Variants in SNF8 observed in about 807,000 individuals in gnomAD.
SNF8 encodes the protein SNF8 subunit of ESCRT-II.
Under a neutral mutation model 36.8 loss-of-function variants are expected in SNF8, and 19 were observed. The ratio of observed to expected loss-of-function variants is 0.52; its 90% CI spans 0.36 to 0.76. The LOEUF (loss-of-function observed/expected upper bound fraction) is 0.76. Among genes scored for constraint, SNF8 ranks in the 30% least tolerant of loss-of-function variants. The pLI, the probability that SNF8 is intolerant of heterozygous loss-of-function variation, is 0.00. For synonymous variants in SNF8, 127 were observed against 127.4 expected (o/e 1.00, Z 0.02); for missense variants, 268 against 322.9 (o/e 0.83, Z 1.30).
intron 1 of SNF8, 84 bp from the exon 2 acceptor site, chr17:48,944,059 T>A: frequency 7.6e-7 from 1 of 1,320,716 alleles, no homozygotes; most frequent in South Asian, 1.2e-5. Flanking sequence ...ATCCCAGAAC[T>A]TTGGGACGCC....
At chr17:48,942,396 G>A (rs2041043317) in intron 2 of SNF8, among the ~76,000 whole-genome samples, 1 of 151,186 alleles carries the variant, frequency 6.6e-6, no homozygotes, top group Non-Finnish European at 1.5e-5. Flanking sequence ...GTTGATTCCT[G>A]CATGCCATCT....
At position 48,933,286 on chromosome 17, in the gene SNF8, G is replaced by A. The variant is rs2143795953; in HGVS notation, c.483C>T (p.Ile161=). The change falls in exon 6 of 8, where the codon ATC becomes ATT. Residue 161 remains isoleucine (I), a synonymous_variant. Transcript: ENST00000502492. Reference sequence around the variant, plus strand: ...GAATGAGGTAAGTGCCGCCCACAGGGATGATGCCGAAGCCAGTGCCAAGTG... The same window carrying A: ...GAATGAGGTAAGTGCCGCCCACAGGAATGATGCCGAAGCCAGTGCCAAGTG... The part of the protein sequence containing the change: ...LKALGTGFGI[I]PVGGTYLIQS... 1.2e-6 allele frequency: 2 copies of A among 1,614,170 alleles called. No individual in the cohort carries two copies. The highest frequency in any genetic ancestry group is 1.7e-6 in the Non-Finnish European group (2 of 1,180,028).
In SNF8 at chr17:48,937,039, C is replaced by T. The variant is rs201483230; in HGVS notation, c.330G>A (p.Ala110=). ...LGVQIIEVCL[A]LKHRNGGLIT... ...CCTCACCTCCATTCCGATGCTTCAGCGCCAGGCACACTTCGATAATTTGGA... is the reference window on the plus strand; with the variant it reads ...CCTCACCTCCATTCCGATGCTTCAGTGCCAGGCACACTTCGATAATTTGGA... The change falls in exon 4 of 8, where the codon GCG becomes GCA. Residue 110 remains alanine (A), a synonymous_variant. Transcript: ENST00000502492. The T allele has an allele frequency of 1.6e-4, 259 of 1,613,936 alleles. 3 individuals carry two copies. In the East Asian group the frequency reaches 5.6e-3, roughly 35 times the overall value.
intron 5 of SNF8, among the ~76,000 whole-genome samples, chr17:48,934,205 A>G (rs927729349): frequency 2.0e-5 from 3 of 152,338 alleles, no homozygotes; most frequent in East Asian, 3.9e-4. Flanking sequence ...GGTAGATTGG[A>G]ATGCATTCTC....
At chr17:48,938,496 CAA>C (rs11339083) in intron 3 of SNF8, among the ~76,000 whole-genome samples, 89 of 113,954 alleles carry the variant, frequency 7.8e-4, no homozygotes, top group Admixed American at 1.0e-3. Context: ...AACTCCATCT[CAA>C]AAAAAAAAAA....
At chr17:48,932,903 CAA>C (rs2040880555) in intron 6 of SNF8, 2 of 295,680 alleles carry the variant, frequency 6.8e-6, no homozygotes, top group African/African-American at 2.1e-5. Context: ...CAAAAGACAT[CAA>C]AGAGTCTGGC....
intron 6 of SNF8, chr17:48,932,056 C>G (rs1402312805): frequency 6.1e-6 from 1 of 163,470 alleles, no homozygotes; most frequent in African/African-American, 2.4e-5. Flanking sequence ...CCCATCTCTA[C>G]TAAAAATACA....
intron 5 of SNF8, among the ~76,000 whole-genome samples, chr17:48,935,102 G>A (rs565946214): frequency 6.6e-6 from 1 of 152,120 alleles, no homozygotes; most frequent in Non-Finnish European, 1.5e-5. Flanking sequence ...CAGCCGTGGT[G>A]TCTCACACCT....
At chr17:48,937,604 T>C (rs1032712568) in intron 3 of SNF8, among the ~76,000 whole-genome samples, 2 of 144,622 alleles carry the variant, frequency 1.4e-5, no homozygotes, top group Admixed American at 7.2e-5. Context: ...TACTCCAGCC[T>C]GGGCAATAAG....
chr17:48,933,248 G>C lies in SNF8; in HGVS notation c.521C>G (p.Ala174Gly), dbSNP rs538538146. Residue 174 changes from alanine to glycine, a missense_variant, in exon 6 of 8, where the codon GCT (alanine) becomes GGT (glycine). Physicochemically the swap from Ala to Gly is moderately conservative, Grantham distance 60. Coordinates refer to ENST00000502492, the MANE Select transcript of SNF8 (RefSeq NM_007241.4). ...CACGGTGTGATCCATATTGAGCTCAGCTGGAACAGACTGAATGAGGTAAGT... is the reference window on the plus strand; with the variant it reads ...CACGGTGTGATCCATATTGAGCTCACCTGGAACAGACTGAATGAGGTAAGT... ...GGTYLIQSVP[A>G]ELNMDHTVVL... is the part of the protein sequence containing the mutation. 3 of 1,614,094 alleles carry C rather than the reference G, an allele frequency of 1.9e-6. No individual in the cohort carries two copies. Among genetic ancestry groups the C allele is most frequent in the Non-Finnish European group, 2.5e-6 (3 of 1,180,038 alleles).
At position 48,929,726 on chromosome 17, in the gene SNF8, T is replaced by A. The variant is rs960876545; in HGVS notation, c.*749A>T. 14 of 152,144 alleles carry A rather than the reference T, an allele frequency of 9.2e-5. No individual in the cohort carries two copies. Among genetic ancestry groups the A allele is most frequent in the Non-Finnish European group, 2.1e-4 (14 of 68,024 alleles). The allele number at this position is 152,144 out of a possible 1,614,324, so 9.4% of individuals were successfully genotyped here. A position where few individuals can be genotyped will look rare whatever the true frequency, so the allele number is the denominator to read the frequency against. ...GCTGGCGGCCCCTGGCAAATTACTT[T>A]GATTGAATCACCTGTGATGTTGAAG... On this transcript the variant is annotated 3_prime_UTR_variant, in exon 8 of 8. Coordinates refer to ENST00000502492, the MANE Select transcript of SNF8 (RefSeq NM_007241.4).
chr17:48,939,027 G>C (rs1201980438), intron 3 of SNF8, among the ~76,000 whole-genome samples: 2 of 151,930 alleles, frequency 1.3e-5, no homozygotes, highest in Non-Finnish European at 2.9e-5. Context: ...GGGAGGCCGA[G>C]GCGGGTGGAT....
At chr17:48,935,369 C>T (rs1598086791) in intron 5 of SNF8, among the ~76,000 whole-genome samples, 1 of 151,814 alleles carries the variant, frequency 6.6e-6, no homozygotes. Context: ...AAAAATTAGC[C>T]GGGCGTGGTG....
rs1184793045 is a variant in SNF8 at position 48,933,277 on chromosome 17, G to A, written c.492C>T (p.Gly164=). 26 of 1,614,010 alleles carry A rather than the reference G, an allele frequency of 1.6e-5. 1 individual carries two copies. Among genetic ancestry groups the A allele is most frequent in the Non-Finnish European group, 1.8e-5 (21 of 1,180,010 alleles). ...LGTGFGIIPV[G]GTYLIQSVPA... is the part of the protein sequence containing the mutation. ...GAACAGACTGAATGAGGTAAGTGCC[G>A]CCCACAGGGATGATGCCGAAGCCAG... Residue 164 remains glycine (G), a synonymous_variant, in exon 6 of 8, where the codon GGC becomes GGT. Coordinates refer to ENST00000502492, the MANE Select transcript of SNF8 (RefSeq NM_007241.4).
chr17:48,941,438 G>T (rs1598092904), intron 2 of SNF8, among the ~76,000 whole-genome samples: 1 of 152,212 alleles, frequency 6.6e-6, no homozygotes, highest in Non-Finnish European at 1.5e-5. Context: ...TTAATTTGAA[G>T]ATGTACCTAA....
intron 2 of SNF8, 66 bp downstream of exon 2, chr17:48,943,859 T>G: frequency 2.9e-6 from 4 of 1,390,784 alleles, no homozygotes; most frequent in Non-Finnish European, 3.1e-6. Context: ...CAAGTTCGTA[T>G]CCAAGGTGTC....
rs1047594929 is a variant in SNF8 at position 48,929,846 on chromosome 17, G to A, written c.*629C>T. 4 of 152,186 alleles carry A rather than the reference G, an allele frequency of 2.6e-5. No individual in the cohort carries two copies. The highest frequency in any genetic ancestry group is 4.8e-5 in the African/African-American group (2 of 41,438). 9.4% of individuals were successfully genotyped at this position (152,186 alleles called of 1,614,324 possible). On this transcript the variant is annotated 3_prime_UTR_variant, in exon 8 of 8. Coordinates refer to ENST00000502492, the MANE Select transcript of SNF8 (RefSeq NM_007241.4). ...TCCCTTTCCCACTACTGAGGCTAGA[G>A]GGACCTGGCAATCACTACAGGAGGG... is the stretch of plus-strand genomic sequence containing the variant.
At chr17:48,935,330 A>G (rs1004501611) in intron 5 of SNF8, among the ~76,000 whole-genome samples, 2 of 151,846 alleles carry the variant, frequency 1.3e-5, no homozygotes, top group Admixed American at 6.6e-5. Context: ...TGGCTAACAC[A>G]GTGAAACCCC....
intron 7 of SNF8, 127 bp downstream of exon 7, chr17:48,931,516 G>T: frequency 1.3e-6 from 1 of 744,362 alleles, no homozygotes; most frequent in Non-Finnish European, 2.2e-6. Flanking sequence ...CTTCCTTCTA[G>T]CATGGCAGCA....
Sources: allele counts gnomAD v4.1 joint callset (sites outside exome capture counted in the v4.1 genomes callset), GRCh38; gene constraint gnomAD v4.1.1; transcripts MANE v1.5; gene names NCBI Gene and HGNC (gene_info 2026-07-23, HGNC 2026-07-21).